Variants in ARID1B observed in about 807,000 individuals in gnomAD.
ARID1B encodes AT-rich interactive domain-containing protein 1B.
ARID1B carries 30 observed loss-of-function variants against 212.3 expected under a neutral mutation model. The ratio of observed to expected loss-of-function variants is 0.14; its 90% confidence interval spans 0.11 to 0.19. ARID1B has a LOEUF of 0.19. Ranked by LOEUF, ARID1B falls within the 10% of genes least tolerant of loss-of-function variation. ARID1B has a pLI of 1.00. For missense variants in ARID1B, 2,891 were observed against 3,204.0 expected, an observed-to-expected ratio of 0.90 and a Z score of 2.36; for synonymous variants, 1,402 against 1,301.7, an observed-to-expected ratio of 1.08 and a Z score of -1.66.
intron 8 of ARID1B, chr6:157,151,148 T>C (rs1486512603): frequency 3.9e-5 from 6 of 152,350 alleles, no homozygotes; most frequent in African/African-American, 1.4e-4. Flanking sequence ...GAGAGGGAAA[T>C]AGAAACTTTG....
chr6:157,087,679 A>G (rs952084720), intron 5 of ARID1B, among the ~76,000 whole-genome samples: 1 of 152,210 alleles, frequency 6.6e-6, no homozygotes, highest in African/African-American at 2.4e-5. Flanking sequence ...TGTGCAATTC[A>G]GAAGACATGT....
intron 1 of ARID1B, chr6:156,780,445 A>G (rs1779174567): frequency 6.6e-6 from 1 of 152,240 alleles, no homozygotes. Flanking sequence ...GCTGAGCCTA[A>G]AGACTGACTT....
chr6:156,871,930 T>G (rs1050233860), intron 2 of ARID1B, among the ~76,000 whole-genome samples: 1 of 152,250 alleles, frequency 6.6e-6, no homozygotes, highest in Non-Finnish European at 1.5e-5. Context: ...TGGTGGCTTA[T>G]GTATACTTAA....
intron 4 of ARID1B, chr6:156,941,501 G>A (rs986111236): frequency 2.6e-5 from 4 of 152,228 alleles, no homozygotes; most frequent in Non-Finnish European, 5.9e-5. Context: ...AAGATTAAGA[G>A]CATTTCAGGA....
At chr6:156,864,164 A>G (rs1052942106) in intron 2 of ARID1B, among the ~76,000 whole-genome samples, 1 of 152,228 alleles carries the variant, frequency 6.6e-6, no homozygotes, top group African/African-American at 2.4e-5. Context: ...CTTCTCCCTC[A>G]TAGCAAAGCC....
In ARID1B at chr6:156,904,456, A is replaced by G. The variant is rs192856474; in HGVS notation, c.2136+2931A>G. ...AATGATGCCATGCTAAACTTTGTGT[A>G]TGTGTCATAAGTGGGCAGTAATATC... On this transcript the variant is annotated intron_variant, in intron 3 of 19. Transcript: ENST00000636930. Among the ~76,000 whole-genome samples, 197 of 152,360 alleles carry G rather than the reference A, an allele frequency of 1.3e-3. 2 individuals are homozygous for G. Among genetic ancestry groups the G allele is most frequent in the African/African-American group, 4.5e-3 (188 of 41,594 alleles).
At chr6:157,107,187 T>G (rs1786552244) in intron 5 of ARID1B, among the ~76,000 whole-genome samples, 1 of 152,006 alleles carries the variant, frequency 6.6e-6, no homozygotes, top group Non-Finnish European at 1.5e-5. Flanking sequence ...TGTTCAAAGG[T>G]GTCAAGGTCA....
chr6:157,094,754 A>C lies in ARID1B; in HGVS notation c.2491+9849A>C, dbSNP rs1785500816. 6.6e-6 allele frequency among the ~76,000 whole-genome samples: 1 copy of C among 152,140 alleles called. No homozygotes were observed. The highest frequency in any genetic ancestry group is 2.4e-5 in the African/African-American group (1 of 41,434). On this transcript the variant is annotated intron_variant, in intron 5 of 19. Transcript: ENST00000636930. This position sits in a 1 kb window ranked among gnomAD's most constrained non-coding sequence, Gnocchi z 4.3. ...TTTTAGGAGGCTCACTGTGGCTGCT[A>C]AGTGGACAGTATACTGTAGGGGAAG...
At chr6:156,896,327 A>G (rs185954) in intron 2 of ARID1B, among the ~76,000 whole-genome samples, 11 of 152,092 alleles carry the variant, frequency 7.2e-5, no homozygotes, top group Non-Finnish European at 1.5e-4. Context: ...CTCTAATCCC[A>G]CCAGTTTGGG....
intron 1 of ARID1B, among the ~76,000 whole-genome samples, chr6:156,783,680 A>G (rs1442258753): frequency 6.6e-6 from 1 of 152,144 alleles, no homozygotes; most frequent in Non-Finnish European, 1.5e-5. Context: ...TTTGATGAAC[A>G]TTTGTTAGGG....
upstream of ARID1B, chr6:156,776,813 C>T (rs1409227052): frequency 2.0e-5 from 3 of 152,230 alleles, no homozygotes; most frequent in African/African-American, 2.4e-5. Context: ...GGCCATAGGG[C>T]TCTCTGACCG....
intron 2 of ARID1B, among the ~76,000 whole-genome samples, chr6:156,838,415 C>T (rs546724878): frequency 2.6e-5 from 4 of 152,124 alleles, no homozygotes; most frequent in East Asian, 1.9e-4. Context: ...TGGAGACAAA[C>T]GTCTTTTGGA....
intron 2 of ARID1B, among the ~76,000 whole-genome samples, chr6:156,871,176 A>G (rs1228138689): frequency 2.6e-5 from 4 of 152,198 alleles, no homozygotes; most frequent in Non-Finnish European, 5.9e-5. Context: ...TTTCTTACAT[A>G]TACCATAGAA....
Position 156,906,546 on chromosome 6 carries a change from C to CAAAAAAAA in ARID1B, c.2136+5043_2136+5050dup, listed in dbSNP as rs55660810. Among the ~76,000 whole-genome samples the CAAAAAAAA allele has an allele frequency of 2.0e-4, 8 of 39,678 alleles. 1 individual carries two copies. The highest frequency in any genetic ancestry group is 3.1e-4 in the Non-Finnish European group (6 of 19,580). The allele number at this position is 39,678 out of a possible 152,430, so 26.0% of individuals were successfully genotyped here. A position where few individuals can be genotyped will look rare whatever the true frequency, so the allele number is the denominator to read the frequency against. ...GGCAACAAGAGCGAAACTCCATCTC[C>CAAAAAAAA]AAAAAAAAAAAAAAAAAAAAAAAAA... On this transcript the variant is annotated intron_variant, in intron 3 of 19. Coordinates refer to ENST00000636930, the MANE Select transcript of ARID1B (RefSeq NM_001374828.1).
intron 7 of ARID1B, among the ~76,000 whole-genome samples, chr6:157,145,346 G>C (rs925221851): frequency 2.7e-4 from 41 of 152,106 alleles, no homozygotes; most frequent in Non-Finnish European, 1.0e-4. Flanking sequence ...GGCTGCTTTG[G>C]GGGCTACAGT....
At position 156,787,898 on chromosome 6, in the gene ARID1B, C is replaced by A. The variant is rs190154943; in HGVS notation, c.1791+8427C>A. ...AGCACCCATTTTCTCTGCACTCCAG[C>A]AGGGGGTCAGTTTCCTTACCTGGAA... On this transcript the variant is annotated intron_variant, in intron 1 of 19. Transcript: ENST00000636930. Among the ~76,000 whole-genome samples, 156 of 152,212 alleles carry A rather than the reference C, an allele frequency of 1.0e-3. 1 individual carries two copies. Among genetic ancestry groups the A allele is most frequent in the Non-Finnish European group, 1.9e-3 (130 of 68,012 alleles).
In ARID1B at chr6:157,173,994, C is replaced by A; in HGVS notation, c.3236-14C>A. 6.2e-7 allele frequency: 1 copy of A among 1,605,628 alleles called. No homozygotes were observed. Among genetic ancestry groups the A allele is most frequent in the Middle Eastern group, 1.7e-4 (1 of 6,048 alleles). ...CACATATAATCCTAAACTCTTTCTC[C>A]TGTTTTCGATTAGCATCTGTGGGTC... is the stretch of plus-strand genomic sequence containing the variant. On this transcript the variant is annotated splice_polypyrimidine_tract_variant and intron_variant, in intron 9 of 19. Transcript: ENST00000636930.
chr6:157,073,102 C>CT (rs869172647), intron 4 of ARID1B, among the ~76,000 whole-genome samples: 8,528 of 138,766 alleles, frequency 0.061, 450 homozygotes, highest in African/African-American at 0.13. Context: ...TTCACCCCAT[C>CT]TTTTTTTTTT....
chr6:156,911,137 G>C (rs75261225), intron 3 of ARID1B, among the ~76,000 whole-genome samples: 3,332 of 152,270 alleles, frequency 0.022, 139 homozygotes, highest in African/African-American at 0.076. Context: ...GATGTCTCCA[G>C]CAGGGTTGTC....
Sources: allele counts gnomAD v4.1 joint callset (sites outside exome capture counted in the v4.1 genomes callset), GRCh38; gene constraint gnomAD v4.1.1; non-coding constraint Gnocchi (gnomAD v3.1); transcripts MANE v1.5; gene names NCBI Gene and HGNC (gene_info 2026-07-23, HGNC 2026-07-21).